The following POLQ variants were observed in gnomAD, a reference collection of about 807,000 sequenced individuals.
The protein encoded by POLQ is epididymis secretory sperm binding protein.
In POLQ, 233 loss-of-function variants were observed where a neutral mutation model predicts 259.2. The ratio of observed to expected loss-of-function variants is 0.90; its 90% confidence interval spans 0.81 to 1.00. The LOEUF is 1.00. Ranked by LOEUF, POLQ falls within the 50% of genes least tolerant of loss-of-function variation. POLQ has a pLI of 0.00. For synonymous variants in POLQ, 1,025 were observed against 1,048.8 expected, an observed-to-expected ratio of 0.98 and a Z score of 0.44; for missense variants, 2,871 against 3,051.6, an observed-to-expected ratio of 0.94 and a Z score of 1.39.
chr3:121,529,626 C>T lies in POLQ; in HGVS notation c.1108+19G>A, dbSNP rs1175254471. The T allele has an allele frequency of 6.2e-7, 1 of 1,609,670 alleles. No individual in the cohort carries two copies. Among genetic ancestry groups the T allele is most frequent in the South Asian group, 1.1e-5 (1 of 90,638 alleles). The stretch of plus-strand genomic sequence containing the variant: ...AAATGTACTAAGCATGAAGGCTTTC[C>T]TTTCCATCCATAACTCACCCTCAGC... On this transcript the variant is annotated intron_variant, in intron 7 of 29. Transcript: ENST00000264233.
At chr3:121,531,918 AATTTCCAATTCT>A (rs2048414289) in intron 6 of POLQ, among the ~76,000 whole-genome samples, 1 of 152,216 alleles carries the variant, frequency 6.6e-6, no homozygotes. Flanking sequence ...GAAACACATG[AATTTCCAATTCT>A]ATTTCCAATT....
In POLQ at chr3:121,468,290, A is replaced by T. The variant is rs754451814; in HGVS notation, c.6845+15T>A. 6.2e-7 allele frequency: 1 copy of T among 1,600,326 alleles called. No individual in the cohort carries two copies. The highest frequency in any genetic ancestry group is 1.1e-5 in the South Asian group (1 of 88,286). On this transcript the variant is annotated intron_variant, in intron 23 of 29. Transcript: ENST00000264233. Reference sequence around the variant, plus strand: ...CAAAAGTTTATTAATACAGATACAGAGAAACAGCACCTACCTGCCCATGGG... The same window carrying T: ...CAAAAGTTTATTAATACAGATACAGTGAAACAGCACCTACCTGCCCATGGG...
chr3:121,500,862 C>T (rs576979167), intron 12 of POLQ, among the ~76,000 whole-genome samples: 1 of 152,282 alleles, frequency 6.6e-6, no homozygotes, highest in South Asian at 2.1e-4. Flanking sequence ...AGGTTAAGAG[C>T]TAACTTCTCA....
At chr3:121,487,156 C>T in intron 16 of POLQ, 146 bp downstream of exon 16, 1 of 520,818 alleles carries the variant, frequency 1.9e-6, no homozygotes, top group Non-Finnish European at 3.3e-6. Flanking sequence ...ATAAATAAGG[C>T]TGTTCTACAC....
intron 25 of POLQ, among the ~76,000 whole-genome samples, chr3:121,450,861 C>T (rs1385140687): frequency 6.6e-6 from 1 of 152,192 alleles, no homozygotes; most frequent in Non-Finnish European, 1.5e-5. Context: ...GGAAGTTCTC[C>T]TGGATAATAT....
At chr3:121,544,977 CGT>C (rs1181604773) in intron 1 of POLQ, 71 bp from the exon 2 acceptor site, 7 of 923,280 alleles carry the variant, frequency 7.6e-6, no homozygotes, top group Non-Finnish European at 1.1e-5. Context: ...AGCCCTTCAC[CGT>C]GTGTTGGAAT....
At chr3:121,515,484 T>G (rs1362762253) in intron 9 of POLQ, among the ~76,000 whole-genome samples, 1 of 152,186 alleles carries the variant, frequency 6.6e-6, no homozygotes, top group Non-Finnish European at 1.5e-5. Flanking sequence ...AAGAGGCGAT[T>G]GCAGTTTCAA....
intron 19 of POLQ, 123 bp from the exon 20 acceptor site, chr3:121,476,856 G>A (rs943062619): frequency 1.5e-6 from 1 of 672,016 alleles, no homozygotes; most frequent in Non-Finnish European, 2.5e-6. Flanking sequence ...TATCCTTCAG[G>A]AGCCAGTCTC....
Position 121,519,946 on chromosome 3 carries a change from CA to C in POLQ, c.1392del (p.Phe464LeufsTer6). 6.2e-7 allele frequency: 1 copy of C among 1,612,696 alleles called. No homozygotes were observed. Among genetic ancestry groups the C allele is most frequent in the Non-Finnish European group, 8.5e-7 (1 of 1,178,842 alleles). On this transcript the variant is annotated frameshift_variant, in exon 9 of 30. Transcript: ENST00000264233. LOFTEE classifies it high-confidence loss of function. ...ARRVIIRTPIFGGRPLDILTY... is the reference protein window; with the variant it reads ...ARRVIIRTPIXGGRPLDILTY... ...GTAAGAATATCTAGAGGTCGACCACCAAAAATAGGGGTTCGAATAATCACAC... is the reference window on the plus strand; with the variant it reads ...GTAAGAATATCTAGAGGTCGACCACCAAAATAGGGGTTCGAATAATCACAC...
At chr3:121,515,316 C>T (rs1378931615) in intron 9 of POLQ, among the ~76,000 whole-genome samples, 2 of 152,174 alleles carry the variant, frequency 1.3e-5, no homozygotes, top group African/African-American at 4.8e-5. Context: ...TCATGAGCCA[C>T]CATGCTCAAT....
intron 3 of POLQ, among the ~76,000 whole-genome samples, chr3:121,540,985 A>G (rs1174000584): frequency 1.3e-5 from 2 of 151,240 alleles, no homozygotes; most frequent in African/African-American, 4.9e-5. Flanking sequence ...TCCACCTCCC[A>G]GGTTCAAGCC....
At chr3:121,494,962 TCA>T in intron 14 of POLQ, 1 of 584,236 alleles carries the variant, frequency 1.7e-6, no homozygotes, top group Non-Finnish European at 2.6e-6. Flanking sequence ...ATACAAATTT[TCA>T]AAAAAAAAAA....
Position 121,522,050 on chromosome 3 carries a change from G to C in POLQ, c.1208C>G (p.Ser403Cys). 1.2e-6 allele frequency: 2 copies of C among 1,604,972 alleles called. No individual in the cohort carries two copies. The highest frequency in any genetic ancestry group is 1.3e-5 in the African/African-American group (1 of 74,388). The change falls in exon 8 of 30, where the codon TCT becomes TGT. Residue 403 changes from serine to cysteine, a missense_variant. Physicochemically the swap from Ser to Cys is moderately radical, Grantham distance 112. Transcript: ENST00000264233. ...QLRRLPSGLD[S>C]VLQKTVPWGV... Reference sequence around the variant, plus strand: ...CCATGGTACAGTTTTCTGTAATACAGAGTCCAGTCCTGAAGGCAAACGTCT... The same window carrying C: ...CCATGGTACAGTTTTCTGTAATACACAGTCCAGTCCTGAAGGCAAACGTCT...
chr3:121,444,928 T>C (rs2047620641), intron 26 of POLQ, among the ~76,000 whole-genome samples: 2 of 152,236 alleles, frequency 1.3e-5, no homozygotes, highest in South Asian at 2.1e-4. Flanking sequence ...TGAACCATCC[T>C]TGCATCCCAG....
intron 28 of POLQ, among the ~76,000 whole-genome samples, chr3:121,435,840 AT>A (rs1464892108): frequency 6.6e-6 from 1 of 152,254 alleles, no homozygotes; most frequent in Non-Finnish European, 1.5e-5. Context: ...AGTTATTTTC[AT>A]AAAAATATGT....
At chr3:121,528,866 C>A (rs548985109) in intron 7 of POLQ, among the ~76,000 whole-genome samples, 1 of 152,014 alleles carries the variant, frequency 6.6e-6, no homozygotes, top group Non-Finnish European at 1.5e-5. Flanking sequence ...ATGGAAGAAT[C>A]ACTTGAACCC....
At chr3:121,541,069 T>C (rs932905336) in intron 3 of POLQ, among the ~76,000 whole-genome samples, 9 of 152,020 alleles carry the variant, frequency 5.9e-5, no homozygotes, top group African/African-American at 1.9e-4. Context: ...TTAGTAGAGA[T>C]GGGGTTTCCC....
At chr3:121,536,198 A>G (rs2108819756) in intron 5 of POLQ, among the ~76,000 whole-genome samples, 1 of 152,376 alleles carries the variant, frequency 6.6e-6, no homozygotes, top group South Asian at 2.1e-4. Context: ...ATAGTGTAAC[A>G]CTGAATAATG....
intron 25 of POLQ, among the ~76,000 whole-genome samples, chr3:121,452,810 G>A (rs371846708): frequency 3.3e-5 from 5 of 152,072 alleles, no homozygotes; most frequent in Admixed American, 6.5e-5. Context: ...CTGGGGGCAG[G>A]GCACAGAAAA....
Sources: allele counts gnomAD v4.1 joint callset (sites outside exome capture counted in the v4.1 genomes callset), GRCh38; gene constraint gnomAD v4.1.1; transcripts MANE v1.5; gene names NCBI Gene and HGNC (gene_info 2026-07-23, HGNC 2026-07-21).